The following CNOT10 variants were observed in gnomAD, a reference collection of about 807,000 sequenced individuals.
CNOT10 encodes CCR4-NOT transcription complex subunit 10.
In CNOT10, 30 loss-of-function variants were observed where a neutral mutation model predicts 94.6. The observed-to-expected ratio is 0.32, with a 90% CI of 0.24 to 0.43. The LOEUF (loss-of-function observed/expected upper bound fraction) is 0.43, where lower values mean the gene tolerates loss of function less well. Among genes scored for constraint, CNOT10 ranks in the 20% least tolerant of loss-of-function variants. The pLI is 1.00. For synonymous variants in CNOT10, 289 were observed against 301.6 expected (o/e 0.96, Z 0.43); for missense variants, 759 against 877.2 (o/e 0.87, Z 1.70).
At chr3:32,771,322 C>T (rs747430430) in intron 18 of CNOT10, among the ~76,000 whole-genome samples, 4 of 149,380 alleles carry the variant, frequency 2.7e-5, no homozygotes, top group Non-Finnish European at 5.9e-5. Context: ...AATAATAGGC[C>T]GGGCACAGTG....
intron 18 of CNOT10, among the ~76,000 whole-genome samples, chr3:32,771,632 C>G (rs749723403): frequency 6.6e-6 from 1 of 151,810 alleles, no homozygotes; most frequent in Non-Finnish European, 1.5e-5. Context: ...CTATATCTAT[C>G]TAGATAGATA....
chr3:32,724,848 C>T lies in CNOT10; in HGVS notation c.863-602C>T, dbSNP rs146674263. Among the ~76,000 whole-genome samples, 76 of 148,904 alleles carry T rather than the reference C, an allele frequency of 5.1e-4. No individual in the cohort carries two copies. The East Asian group carries it at 0.011, about 21-fold the overall frequency. Reference sequence around the variant, plus strand: ...TGCTGGGATTACAGGCATGAGCCATCGTACCCAGCCTCACTCTGTTCTTTT... The same window carrying T: ...TGCTGGGATTACAGGCATGAGCCATTGTACCCAGCCTCACTCTGTTCTTTT... On this transcript the variant is annotated intron_variant, in intron 8 of 18. Coordinates refer to ENST00000328834, the MANE Select transcript of CNOT10 (RefSeq NM_015442.3).
chr3:32,755,325 T>C (rs187047304), intron 13 of CNOT10, among the ~76,000 whole-genome samples: 11,401 of 146,184 alleles, frequency 0.078, 540 homozygotes, highest in Middle Eastern at 0.17. Flanking sequence ...TTTTCTTTTT[T>C]TTTTTTTTTT....
At chr3:32,727,933 TAAAA>T in intron 10 of CNOT10, 63 bp downstream of exon 10, 19 of 771,468 alleles carry the variant, frequency 2.5e-5, no homozygotes, top group South Asian at 3.9e-5. Context: ...ATGGAATGGT[TAAAA>T]AAAAAAAAAA....
Position 32,713,379 on chromosome 3 carries a change from T to C in CNOT10, c.573+10T>C, listed in dbSNP as rs201398883. 15 of 1,579,194 alleles carry C rather than the reference T, an allele frequency of 9.5e-6. No individual in the cohort carries two copies. Among genetic ancestry groups the C allele is most frequent in the East Asian group, 2.3e-5 (1 of 43,870 alleles). ...AAATGGAAAGAATGAGGTGAGTCTT[T>C]AGAGGTGATCAGACTAAAATCTAAA... On this transcript the variant is annotated intron_variant, in intron 5 of 18. Coordinates refer to ENST00000328834, the MANE Select transcript of CNOT10 (RefSeq NM_015442.3).
chr3:32,764,356 G>T (rs539901018), intron 15 of CNOT10, 99 bp from the exon 16 acceptor site: 166 of 1,176,502 alleles, frequency 1.4e-4, no homozygotes, highest in Middle Eastern at 4.2e-4. Flanking sequence ...AAAAAGAAAA[G>T]AAAAGAAAAT....
chr3:32,699,922 A>T (rs1417936009), intron 1 of CNOT10, among the ~76,000 whole-genome samples: 1 of 151,916 alleles, frequency 6.6e-6, no homozygotes, highest in Admixed American at 6.6e-5. Context: ...TTTGTCTTCC[A>T]TAGAAACCTT....
At chr3:32,697,481 T>C (rs1697128433) in intron 1 of CNOT10, among the ~76,000 whole-genome samples, 1 of 151,980 alleles carries the variant, frequency 6.6e-6, no homozygotes, top group Non-Finnish European at 1.5e-5. Context: ...TTTATTATTA[T>C]TATTTTTGAG....
intron 4 of CNOT10, among the ~76,000 whole-genome samples, chr3:32,709,744 A>G (rs1697787008): frequency 6.6e-6 from 1 of 152,238 alleles, no homozygotes; most frequent in Non-Finnish European, 1.5e-5. Flanking sequence ...CTGTATAGCT[A>G]GAAATCAGAG....
At chr3:32,745,801 C>T (rs570813281) in intron 13 of CNOT10, among the ~76,000 whole-genome samples, 8 of 152,196 alleles carry the variant, frequency 5.3e-5, no homozygotes, top group South Asian at 4.1e-4. Context: ...GAATTTGAGA[C>T]GAGTGTGGGC....
At chr3:32,753,785 C>A in intron 13 of CNOT10, 2 of 1,599,192 alleles carry the variant, frequency 1.3e-6, no homozygotes, top group Non-Finnish European at 1.7e-6. Context: ...GTGAAATGTG[C>A]CATGAACAGA....
At chr3:32,762,911 C>G in intron 15 of CNOT10, 48 bp downstream of exon 15, 1 of 1,456,372 alleles carries the variant, frequency 6.9e-7, no homozygotes, top group Non-Finnish European at 9.0e-7. Context: ...TTCCATTTCC[C>G]TCCTGTCATA....
chr3:32,696,009 G>C (rs1697045828), intron 1 of CNOT10, among the ~76,000 whole-genome samples: 1 of 147,916 alleles, frequency 6.8e-6, no homozygotes, highest in Non-Finnish European at 1.5e-5. Flanking sequence ...GTGTGTGTGT[G>C]TGTGTGTATT....
At chr3:32,693,854 T>C (rs1356528914) in intron 1 of CNOT10, among the ~76,000 whole-genome samples, 1 of 152,232 alleles carries the variant, frequency 6.6e-6, no homozygotes, top group Non-Finnish European at 1.5e-5. Flanking sequence ...TATATTAGTC[T>C]TATGATTTCA....
At chr3:32,710,795 A>C (rs952813182) in intron 4 of CNOT10, among the ~76,000 whole-genome samples, 8 of 152,040 alleles carry the variant, frequency 5.3e-5, no homozygotes, top group African/African-American at 1.9e-4. Flanking sequence ...AACTCCACTC[A>C]CTGCAACCTC....
At chr3:32,733,382 C>A (rs771828723) in intron 10 of CNOT10, 41 bp from the exon 11 acceptor site, 2 of 1,446,316 alleles carry the variant, frequency 1.4e-6, no homozygotes, top group South Asian at 2.7e-5. Flanking sequence ...CCACATCTTA[C>A]AATTCCCTTA....
chr3:32,724,953 A>T (rs557529523), intron 8 of CNOT10, among the ~76,000 whole-genome samples: 1 of 152,208 alleles, frequency 6.6e-6, no homozygotes, highest in Non-Finnish European at 1.5e-5. Flanking sequence ...TTTCTACATA[A>T]TATTTCATTA....
chr3:32,762,651 CAT>C (rs1198476268), intron 14 of CNOT10, 80 bp from the exon 15 acceptor site: 1 of 1,373,454 alleles, frequency 7.3e-7, no homozygotes, highest in Non-Finnish European at 1.0e-6. Context: ...TGTATAATAA[CAT>C]AATATACCCA....
intron 15 of CNOT10, 37 bp downstream of exon 15, chr3:32,762,900 T>C: frequency 1.4e-6 from 2 of 1,467,524 alleles, no homozygotes; most frequent in Non-Finnish European, 1.8e-6. Context: ...CTGGTCACTG[T>C]TTCCATTTCC....
Sources: allele counts gnomAD v4.1 joint callset (sites outside exome capture counted in the v4.1 genomes callset), GRCh38; gene constraint gnomAD v4.1.1; transcripts MANE v1.5; gene names NCBI Gene and HGNC (gene_info 2026-07-23, HGNC 2026-07-21).